PTPRD: variants seen among roughly 807,000 people sequenced by gnomAD.
PTPRD encodes protein tyrosine phosphatase receptor type D.
In PTPRD, 34 loss-of-function variants were observed where a neutral mutation model predicts 214.5. The ratio of observed to expected loss-of-function variants is 0.16; its 90% CI spans 0.12 to 0.21. The LOEUF is 0.21. Among genes scored for constraint, PTPRD ranks in the 10% least tolerant of loss-of-function variants. The pLI is 1.00. For synonymous variants in PTPRD, 1,128 were observed against 845.7 expected (o/e 1.33, Z -5.79); for missense variants, 2,545 against 2,398.7 (o/e 1.06, Z -1.27).
At chr9:9,141,703 AATATATTATCT>A (rs2099860722) in intron 10 of PTPRD, among the ~76,000 whole-genome samples, 1 of 150,522 alleles carries the variant, frequency 6.6e-6, no homozygotes, top group South Asian at 2.1e-4. Flanking sequence ...ATATATTATA[AATATATTATCT>A]GGTATATACC....
chr9:10,441,592 T>C (rs1156796333), intron 2 of PTPRD, among the ~76,000 whole-genome samples: 1 of 151,636 alleles, frequency 6.6e-6, no homozygotes, highest in Non-Finnish European at 1.5e-5. Flanking sequence ...AACTTATCCT[T>C]ATTATTGTGC....
At chr9:9,333,752 A>C (rs1021419615) in intron 9 of PTPRD, among the ~76,000 whole-genome samples, 6 of 151,646 alleles carry the variant, frequency 4.0e-5, no homozygotes, top group Non-Finnish European at 7.4e-5. Context: ...CATTCATATG[A>C]GGTCAAAATT....
chr9:9,459,286 C>A (rs1017693632), intron 8 of PTPRD, among the ~76,000 whole-genome samples: 4 of 151,970 alleles, frequency 2.6e-5, no homozygotes, highest in East Asian at 1.9e-4. Flanking sequence ...CCACTAAGAA[C>A]AGAAACAAGA....
At chr9:9,794,479 G>C (rs1194953172) in intron 5 of PTPRD, among the ~76,000 whole-genome samples, 2 of 151,620 alleles carry the variant, frequency 1.3e-5, no homozygotes, top group South Asian at 2.1e-4. Context: ...AATGTGGCTA[G>C]AGCAGAGAAG....
At chr9:10,453,353 T>A (rs1331032583) in intron 2 of PTPRD, among the ~76,000 whole-genome samples, 1 of 151,654 alleles carries the variant, frequency 6.6e-6, no homozygotes, top group African/African-American at 2.4e-5. Flanking sequence ...AAAAAATAAC[T>A]TAAGAAGTTT....
At chr9:10,460,992 A>G (rs1187406219) in intron 2 of PTPRD, among the ~76,000 whole-genome samples, 2 of 152,170 alleles carry the variant, frequency 1.3e-5, no homozygotes, top group Admixed American at 6.5e-5. Context: ...AAACCATATA[A>G]CAAATAAGGG....
At chr9:8,506,289 G>C (rs187826159) in intron 22 of PTPRD, among the ~76,000 whole-genome samples, 1 of 152,174 alleles carries the variant, frequency 6.6e-6, no homozygotes, top group Non-Finnish European at 1.5e-5. Flanking sequence ...ATAATAAAAT[G>C]AATATATGTG....
chr9:9,242,550 T>C (rs2099970888), intron 9 of PTPRD, among the ~76,000 whole-genome samples: 1 of 152,142 alleles, frequency 6.6e-6, no homozygotes, highest in African/African-American at 2.4e-5. Flanking sequence ...CTTTTTATTC[T>C]TTTTTCTCTA....
intron 12 of PTPRD, among the ~76,000 whole-genome samples, chr9:8,702,335 C>G (rs1020803345): frequency 2.0e-5 from 3 of 151,312 alleles, no homozygotes; most frequent in African/African-American, 7.3e-5. Context: ...TTTGGTGTGC[C>G]TTATCTTCTG....
At chr9:10,299,088 T>TG (rs1380099404) in intron 3 of PTPRD, among the ~76,000 whole-genome samples, 1 of 152,172 alleles carries the variant, frequency 6.6e-6, no homozygotes, top group East Asian at 1.9e-4. Context: ...AATTAAGTGT[T>TG]GGTCACTAAC....
intron 2 of PTPRD, among the ~76,000 whole-genome samples, chr9:10,610,747 C>A (rs1050470080): frequency 6.6e-6 from 1 of 152,060 alleles, no homozygotes; most frequent in African/African-American, 2.4e-5. Context: ...TCAAATGATT[C>A]CATATATGAT....
At position 8,591,348 on chromosome 9, in the gene PTPRD, A is replaced by T. The variant is rs2094091121; in HGVS notation, c.352+41969T>A. Among the ~76,000 whole-genome samples the T allele has an allele frequency of 2.0e-5, 3 of 152,162 alleles. No homozygotes were observed. The South Asian group carries it at 6.2e-4, about 31-fold the overall frequency. ...CCCACAACCAAGAATAATGAAAATC[A>T]TATTTTGCTCCTGCCTGTGAATGGT... is the stretch of plus-strand genomic sequence containing the variant. On this transcript the variant is annotated intron_variant, in intron 14 of 45. Coordinates refer to ENST00000381196, the MANE Select transcript of PTPRD (RefSeq NM_002839.4).
chr9:10,506,731 T>C (rs1452928538), intron 2 of PTPRD, among the ~76,000 whole-genome samples: 2 of 152,306 alleles, frequency 1.3e-5, no homozygotes, highest in East Asian at 1.9e-4. Context: ...TTCTTCAGTT[T>C]ATCTTTCATG....
intron 6 of PTPRD, among the ~76,000 whole-genome samples, chr9:9,757,608 C>T (rs979199402): frequency 1.3e-5 from 2 of 151,988 alleles, no homozygotes; most frequent in Non-Finnish European, 2.9e-5. Context: ...CCCAATCTTC[C>T]TATTCTCTTT....
intron 3 of PTPRD, among the ~76,000 whole-genome samples, chr9:10,141,766 G>A (rs1462881703): frequency 6.6e-6 from 1 of 151,936 alleles, no homozygotes; most frequent in Non-Finnish European, 1.5e-5. Flanking sequence ...AAGTTCATAT[G>A]GAACCAAAAA....
At chr9:8,588,949 G>C (rs1161199906) in intron 14 of PTPRD, among the ~76,000 whole-genome samples, 1 of 152,006 alleles carries the variant, frequency 6.6e-6, no homozygotes, top group African/African-American at 2.4e-5. Flanking sequence ...CAAGGAATTT[G>C]TATTTAATAA....
intron 12 of PTPRD, among the ~76,000 whole-genome samples, chr9:8,716,086 C>G (rs930402209): frequency 6.6e-6 from 1 of 152,170 alleles, no homozygotes; most frequent in Non-Finnish European, 1.5e-5. Flanking sequence ...GGAGCTCCAG[C>G]AACCAAGCTA....
At chr9:10,241,666 G>A (rs2091075837) in intron 3 of PTPRD, among the ~76,000 whole-genome samples, 2 of 151,874 alleles carry the variant, frequency 1.3e-5, no homozygotes, top group South Asian at 2.1e-4. Flanking sequence ...AAAGTAGATC[G>A]GTGTTTTTCC....
chr9:8,739,910 C>G (rs1408086187), intron 11 of PTPRD, among the ~76,000 whole-genome samples: 1 of 152,096 alleles, frequency 6.6e-6, no homozygotes, highest in Non-Finnish European at 1.5e-5. Flanking sequence ...TTGTCTGCTG[C>G]CATGTGAGAT....
Sources: gnomAD v4.1 joint callset for allele counts (sites outside exome capture counted in the v4.1 genomes callset) on GRCh38, gnomAD v4.1.1 for gene constraint, MANE v1.5 for transcripts, NCBI Gene and HGNC (gene_info 2026-07-23, HGNC 2026-07-21) for gene names.